Variants in CWC27 observed in about 807,000 individuals in gnomAD.
CWC27 encodes spliceosome-associated protein CWC27 homolog.
CWC27 carries 47 observed loss-of-function variants against 63.6 expected under a neutral mutation model. That is an observed-to-expected ratio of 0.74 (90% confidence interval 0.58 to 0.94). The LOEUF is 0.94. CWC27 is among the 40% of genes least tolerant of loss of function. The pLI, the probability that CWC27 is intolerant of heterozygous loss-of-function variation, is 0.00. For missense variants in CWC27, 495 were observed against 554.3 expected, an observed-to-expected ratio of 0.89 and a Z score of 1.07; for synonymous variants, 175 against 179.8, an observed-to-expected ratio of 0.97 and a Z score of 0.22.
At chr5:65,013,446 C>T (rs1188313472) in intron 13 of CWC27, among the ~76,000 whole-genome samples, 1 of 152,150 alleles carries the variant, frequency 6.6e-6, no homozygotes, top group African/African-American at 2.4e-5. Context: ...ACCGGGAATG[C>T]AACAGTGAAC....
At chr5:64,896,818 A>G (rs1028198415) in intron 11 of CWC27, among the ~76,000 whole-genome samples, 2 of 152,232 alleles carry the variant, frequency 1.3e-5, no homozygotes, top group South Asian at 2.1e-4. Flanking sequence ...TTGTATTGAA[A>G]TAACACAAAA....
At chr5:64,833,976 A>C (rs2112268194) in intron 10 of CWC27, among the ~76,000 whole-genome samples, 1 of 151,730 alleles carries the variant, frequency 6.6e-6, no homozygotes, top group Non-Finnish European at 1.5e-5. Context: ...TTCTGTTAGA[A>C]TAGTAAATGA....
intron 13 of CWC27, among the ~76,000 whole-genome samples, chr5:64,985,782 A>G (rs748186734): frequency 6.6e-6 from 1 of 152,164 alleles, no homozygotes; most frequent in Non-Finnish European, 1.5e-5. Context: ...TCCAGTATGA[A>G]GACAAATAGG....
intron 11 of CWC27, among the ~76,000 whole-genome samples, chr5:64,958,619 T>C (rs1748846321): frequency 6.6e-6 from 1 of 152,166 alleles, no homozygotes; most frequent in Admixed American, 6.6e-5. Flanking sequence ...GTGAGTATTT[T>C]CAAGTTTATA....
chr5:64,781,825 G>A (rs942308507), intron 2 of CWC27, 96 bp from the exon 3 acceptor site: 6 of 558,626 alleles, frequency 1.1e-5, no homozygotes, highest in Non-Finnish European at 1.8e-5. Flanking sequence ...TTAACATTCT[G>A]GAAAATAAAT....
At chr5:64,883,950 T>C (rs937580431) in intron 10 of CWC27, among the ~76,000 whole-genome samples, 3 of 152,204 alleles carry the variant, frequency 2.0e-5, no homozygotes, top group Non-Finnish European at 4.4e-5. Context: ...CCTGAGTACA[T>C]ACTGGAATCA....
chr5:64,963,402 G>T (rs1295171629), intron 11 of CWC27, among the ~76,000 whole-genome samples: 2 of 152,136 alleles, frequency 1.3e-5, no homozygotes, highest in Non-Finnish European at 2.9e-5. Flanking sequence ...CCAGTTTATG[G>T]CTTAAATATT....
intron 10 of CWC27, 144 bp from the exon 11 acceptor site, chr5:64,885,299 A>G: frequency 1.9e-6 from 1 of 517,636 alleles, no homozygotes; most frequent in Middle Eastern, 5.3e-4. Flanking sequence ...CTATAGCACA[A>G]GTATACATAC....
At chr5:64,968,977 A>G (rs1404966903) in intron 11 of CWC27, among the ~76,000 whole-genome samples, 1 of 152,184 alleles carries the variant, frequency 6.6e-6, no homozygotes, top group East Asian at 1.9e-4. Context: ...TCCATGCTTT[A>G]TTATATACTT....
At chr5:64,826,223 A>C (rs1745355837) in intron 10 of CWC27, among the ~76,000 whole-genome samples, 1 of 152,046 alleles carries the variant, frequency 6.6e-6, no homozygotes, top group South Asian at 2.1e-4. Flanking sequence ...AATGTTTCTT[A>C]ATTTCCCTTG....
At chr5:64,810,942 A>G (rs2112228331) in intron 10 of CWC27, among the ~76,000 whole-genome samples, 1 of 152,232 alleles carries the variant, frequency 6.6e-6, no homozygotes, top group African/African-American at 2.4e-5. Flanking sequence ...GAATCAAGTA[A>G]TTTTAGAGAA....
At chr5:64,891,135 G>T (rs1747225655) in intron 11 of CWC27, among the ~76,000 whole-genome samples, 2 of 151,810 alleles carry the variant, frequency 1.3e-5, no homozygotes, top group Non-Finnish European at 2.9e-5. Context: ...TATTGTAATG[G>T]GCCTGATTCA....
chr5:64,848,145 AAAAT>A (rs1231486682), intron 10 of CWC27, among the ~76,000 whole-genome samples: 2 of 152,118 alleles, frequency 1.3e-5, no homozygotes, highest in Non-Finnish European at 2.9e-5. Context: ...AGAGAAGGGT[AAAAT>A]AAATAAAATC....
chr5:64,795,377 T>C (rs1005762222), intron 7 of CWC27, among the ~76,000 whole-genome samples: 1 of 152,196 alleles, frequency 6.6e-6, no homozygotes, highest in African/African-American at 2.4e-5. Context: ...CAAATTGCCA[T>C]AAACTTAGTG....
Position 64,783,970 on chromosome 5 carries a change from C to G in CWC27, c.387C>G (p.Ile129Met). The G allele has an allele frequency of 6.3e-7, 1 of 1,582,758 alleles. No homozygotes were observed. Among genetic ancestry groups the G allele is most frequent in the Non-Finnish European group, 8.6e-7 (1 of 1,166,626 alleles). ...RADELNNKHT[I>M]FGKVTGDTVY... ...ATGAACTTAACAATAAGCATACCATCTTTGGAAAGGTTAGTGTCCAGTGAT... is the reference window on the plus strand; with the variant it reads ...ATGAACTTAACAATAAGCATACCATGTTTGGAAAGGTTAGTGTCCAGTGAT... The change falls in exon 4 of 14, where the codon ATC becomes ATG. Residue 129 changes from isoleucine (I) to methionine (M), a missense_variant. Physicochemically the swap from Ile to Met is conservative, Grantham distance 10. Around this residue, in one of 3 missense-constraint regions of CWC27, gnomAD observed 463 missense variants for 498.1 expected, o/e 0.93. Transcript: ENST00000381070.
intron 10 of CWC27, among the ~76,000 whole-genome samples, chr5:64,812,950 G>C (rs111417658): frequency 6.6e-6 from 1 of 152,162 alleles, no homozygotes; most frequent in African/African-American, 2.4e-5. Context: ...ATTTAAAAGG[G>C]TTGAACAAAA....
chr5:64,810,260 G>T (rs1313680596), intron 10 of CWC27, among the ~76,000 whole-genome samples: 1 of 152,086 alleles, frequency 6.6e-6, no homozygotes, highest in African/African-American at 2.4e-5. Context: ...TGAGGTGTCT[G>T]TTTTTATGCA....
At chr5:64,808,463 A>G (rs1744767162) in intron 10 of CWC27, 6 of 498,528 alleles carry the variant, frequency 1.2e-5, no homozygotes, top group Non-Finnish European at 1.3e-5. Flanking sequence ...GGTAGTGATC[A>G]TATCCATTTA....
intron 10 of CWC27, among the ~76,000 whole-genome samples, chr5:64,854,271 G>T (rs978578489): frequency 6.6e-6 from 1 of 152,214 alleles, no homozygotes; most frequent in Non-Finnish European, 1.5e-5. Context: ...CAACGTGTGT[G>T]TGCAAAAATC....
Sources: allele counts gnomAD v4.1 joint callset (sites outside exome capture counted in the v4.1 genomes callset), GRCh38; gene constraint gnomAD v4.1.1; regional missense constraint gnomAD v4.1.1; transcripts MANE v1.5; gene names NCBI Gene and HGNC (gene_info 2026-07-23, HGNC 2026-07-21).